PDCD6: variants seen among roughly 807,000 people sequenced by gnomAD.
The protein encoded by PDCD6 is programmed cell death 6.
PDCD6 carries 12 observed loss-of-function variants against 28.3 expected under a neutral mutation model. The observed-to-expected ratio is 0.42, with a 90% confidence interval of 0.27 to 0.69. The LOEUF (loss-of-function observed/expected upper bound fraction) is 0.69, where lower values mean the gene tolerates loss of function less well. PDCD6 is among the 30% of genes least tolerant of loss of function. The pLI is 0.22. For synonymous variants in PDCD6, 92 were observed against 108.0 expected (o/e 0.85, Z 0.92); for missense variants, 226 against 269.9 (o/e 0.84, Z 1.14).
chr5:314,417 A>C lies in PDCD6; in HGVS notation c.478A>C (p.Arg160=). 6.2e-7 allele frequency: 1 copy of C among 1,608,496 alleles called. No homozygotes were observed. Among genetic ancestry groups the C allele is most frequent in the Non-Finnish European group, 8.5e-7 (1 of 1,175,316 alleles). Residue 160 remains arginine, a splice_region_variant and synonymous_variant, in exon 6 of 6, where the codon AGG becomes CGG. Transcript: ENST00000264933. ...ATTTAAATGCCTGTTTTCTCCCCAGAGGTTGACGGATATATTCAGACGTTA... is the reference window on the plus strand; with the variant it reads ...ATTTAAATGCCTGTTTTCTCCCCAGCGGTTGACGGATATATTCAGACGTTA... ...DFIQGCIVLQ[R]LTDIFRRYDT... is the part of the protein sequence containing the mutation.
intron 2 of PDCD6, among the ~76,000 whole-genome samples, chr5:278,915 T>C (rs1484449805): frequency 5.3e-5 from 8 of 151,662 alleles, no homozygotes; most frequent in African/African-American, 1.9e-4. Context: ...CAAGCTTTCC[T>C]GAGTTCCCAC....
intron 5 of PDCD6, among the ~76,000 whole-genome samples, chr5:313,436 C>T (rs1180258177): frequency 1.3e-5 from 2 of 152,074 alleles, no homozygotes; most frequent in African/African-American, 4.8e-5. Context: ...GTCAAGGAGC[C>T]CGGTGGTGGC....
intron 2 of PDCD6, among the ~76,000 whole-genome samples, chr5:274,940 C>T (rs1254209619): frequency 6.6e-6 from 1 of 152,202 alleles, no homozygotes; most frequent in Non-Finnish European, 1.5e-5. Context: ...GCTGAGTCCA[C>T]CATTCCTGAG....
In PDCD6 at chr5:307,189, G is replaced by A. The variant is rs959586988; in HGVS notation, c.367+429G>A. ...GTCCAAACCGTGCGCCTCAGAAGGG[G>A]CGTTAGGCAGAACGCGTGCCCATTC... On this transcript the variant is annotated intron_variant, in intron 4 of 5. Coordinates refer to ENST00000264933, the MANE Select transcript of PDCD6 (RefSeq NM_013232.4). The surrounding 1 kb of genome is among the most constrained non-coding windows in gnomAD (Gnocchi z 6.1). Among the ~76,000 whole-genome samples, 3 of 151,608 alleles carry A rather than the reference G, an allele frequency of 2.0e-5. No individual in the cohort carries two copies. The highest frequency in any genetic ancestry group is 2.9e-5 in the Non-Finnish European group (2 of 68,018).
chr5:287,447 T>A (rs1739042136), intron 2 of PDCD6, among the ~76,000 whole-genome samples: 1 of 147,690 alleles, frequency 6.8e-6, no homozygotes, highest in African/African-American at 2.4e-5. Context: ...TTACACAGTT[T>A]GGATTTGTTT....
intron 2 of PDCD6, among the ~76,000 whole-genome samples, chr5:296,291 C>T (rs750237182): frequency 2.0e-5 from 3 of 152,166 alleles, no homozygotes; most frequent in African/African-American, 7.2e-5. Flanking sequence ...TCCTCTCCCC[C>T]ACCCCAGCCT....
At chr5:312,690 G>T (rs566325870) in intron 5 of PDCD6, among the ~76,000 whole-genome samples, 80 of 152,218 alleles carry the variant, frequency 5.3e-4, no homozygotes, top group Non-Finnish European at 3.7e-4. Flanking sequence ...CATGCCTGTA[G>T]TCCCAGCTAC....
intron 2 of PDCD6, among the ~76,000 whole-genome samples, chr5:279,313 A>G (rs1270477445): frequency 6.6e-6 from 1 of 152,046 alleles, no homozygotes; most frequent in African/African-American, 2.4e-5. Flanking sequence ...AGATTTTCAC[A>G]GACACGGCAC....
intron 2 of PDCD6, among the ~76,000 whole-genome samples, chr5:278,087 C>T (rs563857027): frequency 2.0e-5 from 3 of 152,310 alleles, no homozygotes; most frequent in Non-Finnish European, 4.4e-5. Flanking sequence ...GCTCCCTTCC[C>T]CACCTTTGTC....
rs891674727 is a variant in PDCD6 at position 307,596 on chromosome 5, C to T, written c.367+836C>T. Among the ~76,000 whole-genome samples the T allele has an allele frequency of 6.6e-6, 1 of 152,144 alleles. No homozygotes were observed. The highest frequency in any genetic ancestry group is 6.5e-5 in the Admixed American group (1 of 15,280). ...AGGGGTTTTATTTACAGAGGAACAA[C>T]GGGCATGTTTGGGGCCAGCCTGAGG... On this transcript the variant is annotated intron_variant, in intron 4 of 5. Transcript: ENST00000264933. The surrounding 1 kb of genome is among the most constrained non-coding windows in gnomAD (Gnocchi z 6.1).
intron 3 of PDCD6, chr5:306,088 G>T: frequency 6.2e-6 from 1 of 162,506 alleles, no homozygotes; most frequent in East Asian, 1.6e-4. Context: ...ATAGGACATA[G>T]GCGAGGGTCT....
At position 311,277 on chromosome 5, in the gene PDCD6, A is replaced by T; in HGVS notation, c.368-16A>T. The stretch of plus-strand genomic sequence containing the variant: ...TCTCTCCCAGCCTTCTCTGACTCTG[A>T]CTTTCCCTCTTGAAGGCTACCGGCT... On this transcript the variant is annotated splice_polypyrimidine_tract_variant and intron_variant, in intron 4 of 5. Transcript: ENST00000264933. The T allele has an allele frequency of 2.5e-6, 4 of 1,604,660 alleles. No homozygotes were observed. The highest frequency in any genetic ancestry group is 3.4e-6 in the Non-Finnish European group (4 of 1,171,552).
Position 306,691 on chromosome 5 carries a change from C to G in PDCD6, c.298C>G (p.Arg100Gly). Residue 100 changes from arginine to glycine, a missense_variant, in exon 4 of 6, where the codon CGC becomes GGC. By Grantham distance (125) the Arg-to-Gly change is moderately radical. This residue lies in a region of PDCD6 where 151 missense variants were observed against 177.2 expected (regional missense o/e 0.85). Coordinates refer to ENST00000264933, the MANE Select transcript of PDCD6 (RefSeq NM_013232.4). ...KYITDWQNVF[R>G]TYDRDNSGMI... is the part of the protein sequence containing the mutation. Reference sequence around the variant, plus strand: ...CATCACGGACTGGCAGAACGTCTTCCGCACGTACGACCGGGACAACTCCGG... The same window carrying G: ...CATCACGGACTGGCAGAACGTCTTCGGCACGTACGACCGGGACAACTCCGG... 1 of 1,614,070 alleles carries G rather than the reference C, an allele frequency of 6.2e-7. No homozygotes were observed. The highest frequency in any genetic ancestry group is 1.3e-5 in the African/African-American group (1 of 75,060).
intron 2 of PDCD6, among the ~76,000 whole-genome samples, chr5:287,653 T>G (rs1208525876): frequency 1.3e-5 from 2 of 152,300 alleles, no homozygotes; most frequent in East Asian, 3.9e-4. Flanking sequence ...AATAGACCCA[T>G]GCAAAGCTAT....
intron 2 of PDCD6, among the ~76,000 whole-genome samples, chr5:284,630 G>A (rs1219180616): frequency 6.7e-6 from 1 of 148,824 alleles, no homozygotes; most frequent in Non-Finnish European, 1.5e-5. Flanking sequence ...TGATGTTCCA[G>A]GTTGAGGACC....
intron 2 of PDCD6, among the ~76,000 whole-genome samples, chr5:274,424 T>G (rs3975658): frequency 7.2e-5 from 11 of 152,252 alleles, no homozygotes; most frequent in Non-Finnish European, 1.0e-4. Context: ...CTTTGGGGCC[T>G]GCCTGGATTC....
chr5:272,925 T>C, intron 2 of PDCD6, 153 bp downstream of exon 2: 1 of 1,354,122 alleles, frequency 7.4e-7, no homozygotes, highest in African/African-American at 2.0e-5. Flanking sequence ...TGCTTCTGGT[T>C]TATTTTGTGG....
rs1212117347 is a variant in PDCD6, at chr5:272,790, A to G, written c.163+18A>G. ...CTCCAACGGTGAGTGGGCCAGTGGG[A>G]ACTGGGTCTCCGGACCAAGAAGCCG... On this transcript the variant is annotated intron_variant, in intron 2 of 5. Coordinates refer to ENST00000264933, the MANE Select transcript of PDCD6 (RefSeq NM_013232.4). 2.6e-6 allele frequency: 4 copies of G among 1,567,470 alleles called. No homozygotes were observed. In the East Asian group the frequency reaches 6.7e-5, roughly 26 times the overall value.
At chr5:289,015 C>G in intron 2 of PDCD6, 1 of 1,263,102 alleles carries the variant, frequency 7.9e-7, no homozygotes, top group Non-Finnish European at 1.2e-6. Flanking sequence ...TGTAGTAAAT[C>G]TTTCTCAGCT....
Sources: gnomAD v4.1 joint callset for allele counts (sites outside exome capture counted in the v4.1 genomes callset) on GRCh38, gnomAD v4.1.1 for gene constraint, gnomAD v4.1.1 regional missense constraint, Gnocchi (gnomAD v3.1) non-coding constraint, MANE v1.5 for transcripts, NCBI Gene and HGNC (gene_info 2026-07-23, HGNC 2026-07-21) for gene names.